ROBO1: variants seen among roughly 807,000 people sequenced by gnomAD.
The protein encoded by ROBO1 is roundabout guidance receptor 1, also known as roundabout homolog 1.
Under a neutral mutation model 195.9 loss-of-function variants are expected in ROBO1, and 149 were observed. The observed-to-expected ratio is 0.76, with a 90% CI of 0.67 to 0.87. The LOEUF (loss-of-function observed/expected upper bound fraction) is 0.87. ROBO1 is among the 40% of genes least tolerant of loss of function. The pLI, the probability that ROBO1 is intolerant of heterozygous loss-of-function variation, is 0.00. For synonymous variants in ROBO1, 816 were observed against 733.2 expected (o/e 1.11, Z -1.82); for missense variants, 1,933 against 2,068.3 (o/e 0.93, Z 1.27).
At chr3:78,895,643 G>A (rs921289037) in intron 4 of ROBO1, among the ~76,000 whole-genome samples, 1 of 152,134 alleles carries the variant, frequency 6.6e-6, no homozygotes, top group African/African-American at 2.4e-5. Flanking sequence ...GAAGAAAAAT[G>A]ATTTGTTCTT....
At chr3:78,899,288 T>C (rs1384498803) in intron 4 of ROBO1, among the ~76,000 whole-genome samples, 2 of 152,216 alleles carry the variant, frequency 1.3e-5, no homozygotes, top group Admixed American at 1.3e-4. Flanking sequence ...TTCATGTACC[T>C]CACAGCCATT....
intron 4 of ROBO1, among the ~76,000 whole-genome samples, chr3:78,851,872 A>G (rs1201575022): frequency 1.3e-5 from 2 of 152,132 alleles, no homozygotes; most frequent in Admixed American, 6.5e-5. Flanking sequence ...CATTTAATCC[A>G]AAATAATGTA....
chr3:79,007,351 G>T (rs1188428940), intron 3 of ROBO1, among the ~76,000 whole-genome samples: 4 of 152,162 alleles, frequency 2.6e-5, no homozygotes, highest in Admixed American at 2.6e-4. Flanking sequence ...TCCCGACACA[G>T]AAAGTAATGA....
At chr3:79,480,464 CCT>C (rs375625816) in intron 2 of ROBO1, among the ~76,000 whole-genome samples, 51 of 152,146 alleles carry the variant, frequency 3.4e-4, no homozygotes, top group African/African-American at 3.4e-4. Flanking sequence ...CATTTATTCC[CCT>C]GATTATGATC....
At chr3:79,468,717 A>G (rs563997317) in intron 2 of ROBO1, among the ~76,000 whole-genome samples, 5 of 152,230 alleles carry the variant, frequency 3.3e-5, no homozygotes, top group Non-Finnish European at 5.9e-5. Context: ...CCTGCCTCCA[A>G]GGAGAAAATA....
At chr3:78,818,465 G>A (rs1279932430) in intron 4 of ROBO1, among the ~76,000 whole-genome samples, 2 of 152,140 alleles carry the variant, frequency 1.3e-5, no homozygotes, top group Admixed American at 6.5e-5. Flanking sequence ...TGTGGAAGCC[G>A]GGGTCCTGCT....
chr3:78,908,455 CAT>C (rs771766500), intron 4 of ROBO1, among the ~76,000 whole-genome samples: 1 of 151,850 alleles, frequency 6.6e-6, no homozygotes, highest in Non-Finnish European at 1.5e-5. Context: ...AATGATGACT[CAT>C]ATGTACTGGA....
chr3:79,366,884 G>A (rs995740606), intron 2 of ROBO1, among the ~76,000 whole-genome samples: 2 of 107,764 alleles, frequency 1.9e-5, no homozygotes, highest in East Asian at 5.3e-4. Context: ...TATTAAGGAT[G>A]TCTTAGAAAC....
intron 1 of ROBO1, among the ~76,000 whole-genome samples, chr3:79,633,353 C>CTTTTTTT (rs58016604): frequency 1.7e-5 from 2 of 119,878 alleles, no homozygotes; most frequent in African/African-American, 3.2e-5. Context: ...TTTTGCATTT[C>CTTTTTTT]TTTTTTTTTT....
intron 3 of ROBO1, among the ~76,000 whole-genome samples, chr3:79,075,063 G>A (rs2079149568): frequency 6.6e-6 from 1 of 151,832 alleles, no homozygotes; most frequent in Admixed American, 6.6e-5. Flanking sequence ...AAGTTTGCTA[G>A]TAACCAAGGA....
At chr3:79,368,418 A>G (rs1415756950) in intron 2 of ROBO1, among the ~76,000 whole-genome samples, 2 of 152,128 alleles carry the variant, frequency 1.3e-5, no homozygotes, top group African/African-American at 2.4e-5. Flanking sequence ...TCTGCGCATT[A>G]AAAGAGAGTA....
intron 2 of ROBO1, among the ~76,000 whole-genome samples, chr3:79,351,856 T>C (rs144587380): frequency 5.3e-5 from 8 of 152,296 alleles, no homozygotes; most frequent in African/African-American, 1.7e-4. Flanking sequence ...AGTGTGTCCT[T>C]AACACACATG....
chr3:79,683,558 TACAAACAA>T (rs542954673), intron 1 of ROBO1, among the ~76,000 whole-genome samples: 1 of 152,078 alleles, frequency 6.6e-6, no homozygotes, highest in African/African-American at 2.4e-5. Flanking sequence ...TGTTTATCAC[TACAAACAA>T]ACAAACAAAC....
chr3:78,855,385 A>C (rs953033360), intron 4 of ROBO1, among the ~76,000 whole-genome samples: 1 of 152,202 alleles, frequency 6.6e-6, no homozygotes, highest in East Asian at 1.9e-4. Context: ...AGTGCTAACA[A>C]ACCAGTTTTC....
At chr3:79,472,022 C>T (rs890944908) in intron 2 of ROBO1, among the ~76,000 whole-genome samples, 9 of 151,990 alleles carry the variant, frequency 5.9e-5, no homozygotes, top group Non-Finnish European at 8.8e-5. Flanking sequence ...CACCAAGGCA[C>T]GTGTATACCT....
intron 5 of ROBO1, among the ~76,000 whole-genome samples, chr3:78,745,956 G>A (rs181434142): frequency 8.7e-4 from 133 of 152,228 alleles, no homozygotes; most frequent in African/African-American, 3.1e-3. Context: ...TTCTCCTAGG[G>A]AACTTTAAAT....
intron 8 of ROBO1, among the ~76,000 whole-genome samples, chr3:78,699,309 G>A (rs530030759): frequency 7.3e-5 from 11 of 151,014 alleles, no homozygotes; most frequent in Admixed American, 4.7e-4. Flanking sequence ...AACACTTTGG[G>A]AGGCTGAGGC....
chr3:79,314,517 T>C (rs961999754), intron 2 of ROBO1, among the ~76,000 whole-genome samples: 1 of 152,224 alleles, frequency 6.6e-6, no homozygotes, highest in African/African-American at 2.4e-5. Context: ...CATGATTATG[T>C]TTCCTGAGAC....
chr3:79,051,865 A>G (rs1296166679), intron 3 of ROBO1, among the ~76,000 whole-genome samples: 1 of 152,104 alleles, frequency 6.6e-6, no homozygotes, highest in Non-Finnish European at 1.5e-5. Context: ...CAATACTCTT[A>G]TACTTTCCTA....
Sources: allele counts gnomAD v4.1 joint callset (sites outside exome capture counted in the v4.1 genomes callset), GRCh38; gene constraint gnomAD v4.1.1; transcripts MANE v1.5; gene names NCBI Gene and HGNC (gene_info 2026-07-23, HGNC 2026-07-21).